The following CPM variants were observed in gnomAD, a reference collection of about 807,000 sequenced individuals.
CPM encodes carboxypeptidase M.
Under a neutral mutation model 46.4 loss-of-function variants are expected in CPM, and 35 were observed. That is an observed-to-expected ratio of 0.75 (90% CI 0.58 to 1.00). The LOEUF is 1.00. Among genes scored for constraint, CPM ranks in the 50% least tolerant of loss-of-function variants. The pLI is 0.00. For missense variants in CPM, 422 were observed against 530.4 expected (o/e 0.80, Z 2.01); for synonymous variants, 195 against 195.3 (o/e 1.00, Z 0.01).
In CPM at chr12:68,851,566, A is replaced by C. The variant is rs1049130721; in HGVS notation, c.*4871T>G. The C allele has an allele frequency of 6.6e-6, 1 of 151,606 alleles. No homozygotes were observed. The highest frequency in any genetic ancestry group is 6.6e-5 in the Admixed American group (1 of 15,206). The allele number at this position is 151,606 out of a possible 1,614,324, so 9.4% of individuals were successfully genotyped here. On this transcript the variant is annotated 3_prime_UTR_variant, in exon 9 of 9. Transcript: ENST00000551568. ...GCAGAGGTTGCAGTGAGCCGAGATC[A>C]CGGCACTGCACTCCAACCTGGGTGT...
chr12:68,899,452 T>C (rs752202868), intron 2 of CPM, among the ~76,000 whole-genome samples: 5 of 152,266 alleles, frequency 3.3e-5, no homozygotes, highest in South Asian at 2.1e-4. Flanking sequence ...TTTCATGGCC[T>C]GTTCTCAAAA....
At chr12:68,918,330 T>C (rs147160321) in intron 2 of CPM, among the ~76,000 whole-genome samples, 28 of 152,284 alleles carry the variant, frequency 1.8e-4, no homozygotes, top group Admixed American at 9.2e-4. Context: ...TCAATACCAT[T>C]TCTATGTTGA....
At chr12:68,944,090 A>G (rs1888805475) in intron 1 of CPM, among the ~76,000 whole-genome samples, 1 of 152,226 alleles carries the variant, frequency 6.6e-6, no homozygotes, top group South Asian at 2.1e-4. Context: ...CATCATATCT[A>G]TTCAACAATG....
At chr12:68,941,729 A>G (rs1221322837) in intron 1 of CPM, among the ~76,000 whole-genome samples, 1 of 152,182 alleles carries the variant, frequency 6.6e-6, no homozygotes, top group East Asian at 1.9e-4. Context: ...CTTCTCATGT[A>G]TCTGAGGGAG....
intron 1 of CPM, among the ~76,000 whole-genome samples, chr12:68,955,295 C>T (rs1187080668): frequency 6.6e-6 from 1 of 152,160 alleles, no homozygotes; most frequent in African/African-American, 2.4e-5. Context: ...CTTTACGAAG[C>T]TCATTTAAAA....
Position 68,856,615 on chromosome 12 carries a change from A to T in CPM, c.1154T>A (p.Phe385Tyr). The part of the protein sequence containing the change: ...KVIIPEKSQN[F>Y]SALKKDILLP... ...TAGAATATCCTTTTTAAGAGCACTG[A>T]AGTTCTGGGATTTCTCCGGAATAAT... Residue 385 changes from phenylalanine (F) to tyrosine (Y), a missense_variant, in exon 9 of 9, where the codon TTC (phenylalanine) becomes TAC (tyrosine). By Grantham distance (22) the Phe-to-Tyr change is conservative (BLOSUM62 3). Transcript: ENST00000551568. 1.1e-5 allele frequency: 18 copies of T among 1,614,220 alleles called. No homozygotes were observed. Among genetic ancestry groups the T allele is most frequent in the Non-Finnish European group, 1.4e-5 (17 of 1,180,008 alleles).
chr12:68,923,973 G>A (rs924117065), intron 2 of CPM, among the ~76,000 whole-genome samples: 10 of 151,954 alleles, frequency 6.6e-5, no homozygotes, highest in African/African-American at 1.9e-4. Flanking sequence ...TTGGTTTTAG[G>A]CTCAGATAAT....
intron 2 of CPM, among the ~76,000 whole-genome samples, chr12:68,909,615 A>C (rs1284106951): frequency 1.3e-5 from 2 of 152,188 alleles, no homozygotes; most frequent in Non-Finnish European, 2.9e-5. Flanking sequence ...GACTGGATTA[A>C]GAAAATGTGG....
At chr12:68,913,813 A>G (rs1887697056) in intron 2 of CPM, 1 of 623,018 alleles carries the variant, frequency 1.6e-6, no homozygotes, top group South Asian at 1.4e-5. Context: ...CCATCTCAGC[A>G]TTTGTTTTCC....
At chr12:68,931,075 C>G (rs1888479533) in intron 2 of CPM, among the ~76,000 whole-genome samples, 1 of 152,218 alleles carries the variant, frequency 6.6e-6, no homozygotes, top group African/African-American at 2.4e-5. Context: ...CACCCAACCT[C>G]TATAATTTTG....
At chr12:68,883,844 C>G (rs1886305755) in intron 3 of CPM, among the ~76,000 whole-genome samples, 1 of 151,542 alleles carries the variant, frequency 6.6e-6, no homozygotes, top group South Asian at 2.1e-4. Context: ...CCTGTAATCC[C>G]AGCACTTTGG....
intron 1 of CPM, among the ~76,000 whole-genome samples, chr12:68,949,899 C>T (rs796570160): frequency 1.4e-4 from 22 of 152,318 alleles, no homozygotes; most frequent in African/African-American, 5.1e-4. Flanking sequence ...GACAGCCTCT[C>T]ATCTCCAGGT....
upstream of CPM, among the ~76,000 whole-genome samples, chr12:68,935,134 T>C (rs940388605): frequency 6.6e-5 from 10 of 152,168 alleles, no homozygotes; most frequent in Admixed American, 1.3e-4. Flanking sequence ...GGTCTGGAAC[T>C]CCCGACCTCG....
At chr12:68,920,629 A>G (rs1334050904) in intron 2 of CPM, among the ~76,000 whole-genome samples, 2 of 151,988 alleles carry the variant, frequency 1.3e-5, no homozygotes, top group Admixed American at 6.6e-5. Context: ...TAGAGGGGGG[A>G]AAAGACACTT....
At chr12:68,919,936 C>T (rs974767957) in intron 2 of CPM, among the ~76,000 whole-genome samples, 6 of 152,206 alleles carry the variant, frequency 3.9e-5, no homozygotes, top group African/African-American at 1.4e-4. Context: ...GAAATGTCAT[C>T]CCCCATGTTA....
intron 2 of CPM, among the ~76,000 whole-genome samples, chr12:68,916,598 G>C (rs112972547): frequency 0.021 from 3,157 of 152,162 alleles, 125 homozygotes; most frequent in African/African-American, 0.072. Context: ...ATTTCTTAAA[G>C]AGAATCTCTG....
rs183837025 is a variant in CPM, at chr12:68,913,910, A to G, written c.160+18768T>C. The G allele has an allele frequency of 9.4e-5, 67 of 712,700 alleles. No individual in the cohort carries two copies. In the East Asian group the frequency reaches 1.4e-3, roughly 15 times the overall value. 44.1% of individuals were successfully genotyped at this position (712,700 alleles called of 1,614,324 possible). A position where few individuals can be genotyped will look rare whatever the true frequency, so the allele number is the denominator to read the frequency against. On this transcript the variant is annotated intron_variant, in intron 2 of 8. Transcript: ENST00000551568. ...GACCTCAGTATGCAACAAGATATCA[A>G]AAGAATTTACAGTCACATGACCTGT...
At chr12:68,898,993 A>C (rs947711318) in intron 2 of CPM, among the ~76,000 whole-genome samples, 6 of 152,220 alleles carry the variant, frequency 3.9e-5, no homozygotes, top group African/African-American at 1.4e-4. Context: ...CTAGCAGATG[A>C]TGTAGTATCA....
intron 3 of CPM, among the ~76,000 whole-genome samples, chr12:68,882,086 G>A (rs958489645): frequency 4.1e-5 from 6 of 145,838 alleles, no homozygotes; most frequent in Non-Finnish European, 7.5e-5. Flanking sequence ...GTGCAGATTG[G>A]TTCTATAGGT....
Sources: gnomAD v4.1 joint callset for allele counts (sites outside exome capture counted in the v4.1 genomes callset) on GRCh38, gnomAD v4.1.1 for gene constraint, MANE v1.5 for transcripts, NCBI Gene and HGNC (gene_info 2026-07-23, HGNC 2026-07-21) for gene names.